The following C2orf92 variants were observed in gnomAD, a reference collection of about 807,000 sequenced individuals.
The protein encoded by C2orf92 is chromosome 2 open reading frame 92, also known as uncharacterized protein C2orf92.
chr2:97,670,467 G>A (rs1414277903), intron 1 of C2orf92: 1 of 150,308 alleles, frequency 6.7e-6, no homozygotes, highest in African/African-American at 2.4e-5. Flanking sequence ...ACTCAAGCTT[G>A]GGCAACAGAG....
intron 3 of C2orf92, among the ~76,000 whole-genome samples, chr2:97,686,252 AACC>A (rs1675956748): frequency 6.6e-6 from 1 of 152,196 alleles, no homozygotes. Flanking sequence ...TTCCTGTGAT[AACC>A]ATATTAACCT....
Position 97,702,965 on chromosome 2 carries a change from C to T in C2orf92, c.*164C>T, listed in dbSNP as rs1676547444. On this transcript the variant is annotated 3_prime_UTR_variant, in exon 8 of 8. Coordinates refer to ENST00000627399, the MANE Select transcript of C2orf92 (RefSeq NM_001351368.2). The stretch of plus-strand genomic sequence containing the variant: ...AATGGACCAAGAAAAACTGCTTTAC[C>T]ATAGGACACTTGTGGCAATATGGCA... The T allele has an allele frequency of 1.0e-5, 4 of 394,554 alleles. No homozygotes were observed. The highest frequency in any genetic ancestry group is 8.2e-5 in the African/African-American group (4 of 48,562). The allele number at this position is 394,554 out of a possible 1,614,324, so 24.4% of individuals were successfully genotyped here. A position where few individuals can be genotyped will look rare whatever the true frequency, so the allele number is the denominator to read the frequency against.
upstream of C2orf92, among the ~76,000 whole-genome samples, chr2:97,665,551 C>T (rs1573190910): frequency 6.6e-6 from 1 of 151,926 alleles, no homozygotes; most frequent in Non-Finnish European, 1.5e-5. Flanking sequence ...ATATTAAACT[C>T]TTCTTATAGA....
intron 3 of C2orf92, among the ~76,000 whole-genome samples, chr2:97,683,458 G>A (rs1218244141): frequency 6.6e-6 from 1 of 151,744 alleles, no homozygotes; most frequent in Admixed American, 6.6e-5. Flanking sequence ...CTTAGCACTT[G>A]GGAGGCTGAG....
In C2orf92 at chr2:97,675,272, A is replaced by C. The variant is rs58321192; in HGVS notation, c.149-573A>C. Among the ~76,000 whole-genome samples the C allele has an allele frequency of 5.9e-3, 902 of 152,364 alleles. 36 individuals are homozygous for C. In the East Asian group the frequency reaches 0.093, roughly 16 times the overall value. The stretch of plus-strand genomic sequence containing the variant: ...GGAATTATAAGACTCTCAGTAAAGC[A>C]ATTTAGTAACTAATCACTCTGCCAA... On this transcript the variant is annotated intron_variant, in intron 2 of 7. Transcript: ENST00000627399.
intron 1 of C2orf92, among the ~76,000 whole-genome samples, chr2:97,673,666 C>T (rs1675484300): frequency 6.6e-6 from 1 of 152,156 alleles, no homozygotes; most frequent in Non-Finnish European, 1.5e-5. Context: ...TGCTTTGTAG[C>T]TCTGTGTGGC....
intron 5 of C2orf92, among the ~76,000 whole-genome samples, chr2:97,690,782 T>A (rs575118488): frequency 1.4e-5 from 2 of 147,118 alleles, no homozygotes; most frequent in Non-Finnish European, 3.0e-5. Flanking sequence ...GTTTTTTTTT[T>A]TTTGTTTTTT....
intron 5 of C2orf92, 102 bp from the exon 6 acceptor site, chr2:97,698,924 T>TA (rs1676403529): frequency 2.5e-6 from 1 of 395,952 alleles, no homozygotes; most frequent in Non-Finnish European, 4.4e-6. Context: ...AAGTCCTCCC[T>TA]AACTCCTCAC....
chr2:97,679,191 G>A (rs191360149), intron 3 of C2orf92, among the ~76,000 whole-genome samples: 8 of 152,118 alleles, frequency 5.3e-5, no homozygotes, highest in Admixed American at 4.6e-4. Context: ...AAAAATGCTG[G>A]TAAAGGTAAC....
At chr2:97,687,221 C>T (rs942517469) in intron 3 of C2orf92, among the ~76,000 whole-genome samples, 3 of 151,858 alleles carry the variant, frequency 2.0e-5, no homozygotes, top group Admixed American at 6.6e-5. Context: ...AAAAATTAGC[C>T]GGATGTGTGG....
At chr2:97,664,136 C>G (rs895020255), upstream of C2orf92, 1 of 250,442 alleles carries the variant, frequency 4.0e-6, no homozygotes, top group Non-Finnish European at 7.6e-6. Flanking sequence ...GCGGGGCCTC[C>G]GGAGGCTGGC....
upstream of C2orf92, among the ~76,000 whole-genome samples, chr2:97,667,268 AT>A (rs1218123940): frequency 2.1e-3 from 47 of 22,826 alleles, no homozygotes; most frequent in Non-Finnish European, 2.6e-3. Flanking sequence ...TCTCTTTTTT[AT>A]TTTTTTTTTT....
At chr2:97,696,281 A>G (rs922909196) in intron 5 of C2orf92, among the ~76,000 whole-genome samples, 1 of 152,152 alleles carries the variant, frequency 6.6e-6, no homozygotes, top group African/African-American at 2.4e-5. Context: ...GAGGGCTGAG[A>G]AGAACTGTAG....
At chr2:97,702,222 A>G (rs1676517363) in intron 7 of C2orf92, 1 of 151,240 alleles carries the variant, frequency 6.6e-6, no homozygotes, top group Non-Finnish European at 1.5e-5. Context: ...CTGACTCCAG[A>G]GGTAGCAGTG....
chr2:97,685,140 AG>A (rs1367038570), intron 3 of C2orf92, among the ~76,000 whole-genome samples: 1 of 151,942 alleles, frequency 6.6e-6, no homozygotes, highest in Non-Finnish European at 1.5e-5. Flanking sequence ...TGTGTTAGCC[AG>A]GATGGTCTCG....
intron 3 of C2orf92, among the ~76,000 whole-genome samples, chr2:97,681,812 G>C (rs1226828575): frequency 1.3e-5 from 2 of 151,746 alleles, no homozygotes; most frequent in African/African-American, 2.4e-5. Flanking sequence ...GAGCCGAGAT[G>C]GTGCCACTGC....
intron 2 of C2orf92, among the ~76,000 whole-genome samples, chr2:97,675,260 T>C (rs1265869956): frequency 3.9e-5 from 6 of 152,236 alleles, no homozygotes; most frequent in Admixed American, 3.9e-4. Flanking sequence ...ATTATAAGAC[T>C]CTCAGTAAAG....
intron 1 of C2orf92, 80 bp from the exon 2 acceptor site, chr2:97,674,376 A>T (rs1239291939): frequency 2.5e-6 from 1 of 397,604 alleles, no homozygotes; most frequent in Non-Finnish European, 4.4e-6. Context: ...TGTGTCATGC[A>T]TTCATTGTAT....
At chr2:97,695,164 C>T (rs929016972) in intron 5 of C2orf92, among the ~76,000 whole-genome samples, 2 of 152,172 alleles carry the variant, frequency 1.3e-5, no homozygotes, top group African/African-American at 4.8e-5. Context: ...AATTTGCATA[C>T]AGTCCAATTT....
Sources: allele counts gnomAD v4.1 joint callset (sites outside exome capture counted in the v4.1 genomes callset), GRCh38; gene constraint gnomAD v4.1.1; transcripts MANE v1.5; gene names NCBI Gene and HGNC (gene_info 2026-07-23, HGNC 2026-07-21).